The following CADPS2 variants were observed in gnomAD, a reference collection of about 807,000 sequenced individuals.
CADPS2 encodes calcium-dependent secretion activator 2.
A neutral mutation model predicts 172.5 loss-of-function variants in CADPS2; 93 were observed. That is an observed-to-expected ratio of 0.54 (90% CI 0.46 to 0.64). CADPS2 has a LOEUF of 0.64. Among genes scored for constraint, CADPS2 ranks in the 30% least tolerant of loss-of-function variants. The pLI, the probability that CADPS2 is intolerant of heterozygous loss-of-function variation, is 0.00. For synonymous variants in CADPS2, 546 were observed against 555.2 expected, an observed-to-expected ratio of 0.98 and a Z score of 0.23; for missense variants, 1,420 against 1,565.9, an observed-to-expected ratio of 0.91 and a Z score of 1.57.
At chr7:122,596,242 C>A (rs932230761) in intron 6 of CADPS2, among the ~76,000 whole-genome samples, 1 of 152,058 alleles carries the variant, frequency 6.6e-6, no homozygotes, top group African/African-American at 2.4e-5. Context: ...CATTTAAGCT[C>A]ATTTTGTTAG....
intron 1 of CADPS2, among the ~76,000 whole-genome samples, chr7:122,873,760 T>C (rs1157861071): frequency 6.6e-6 from 1 of 152,230 alleles, no homozygotes; most frequent in Non-Finnish European, 1.5e-5. Flanking sequence ...TGTTCCACAA[T>C]AGTTAAACTA....
intron 6 of CADPS2, among the ~76,000 whole-genome samples, chr7:122,613,940 T>C (rs1378815272): frequency 1.3e-5 from 2 of 151,752 alleles, no homozygotes; most frequent in African/African-American, 4.8e-5. Context: ...AGTCCCAAAA[T>C]TAAAAAGTGG....
chr7:122,494,258 GCTGA>G (rs1245231020), intron 9 of CADPS2, among the ~76,000 whole-genome samples: 2 of 152,142 alleles, frequency 1.3e-5, no homozygotes, highest in African/African-American at 4.8e-5. Context: ...GTAGCAAAAG[GCTGA>G]CTATTTTTTA....
intron 3 of CADPS2, among the ~76,000 whole-genome samples, chr7:122,643,206 G>T (rs938970765): frequency 6.6e-6 from 1 of 152,128 alleles, no homozygotes; most frequent in African/African-American, 2.4e-5. Flanking sequence ...AATATGCATA[G>T]ATTTTGCAAC....
chr7:122,455,592 T>C (rs1379085092), intron 14 of CADPS2, among the ~76,000 whole-genome samples: 1 of 152,124 alleles, frequency 6.6e-6, no homozygotes, highest in Admixed American at 6.5e-5. Flanking sequence ...GAATGAGTAA[T>C]ATATGCAATA....
intron 17 of CADPS2, among the ~76,000 whole-genome samples, chr7:122,434,371 TAGA>T (rs1331738423): frequency 1.3e-5 from 2 of 152,064 alleles, no homozygotes; most frequent in African/African-American, 4.8e-5. Flanking sequence ...GAGCCCTTAA[TAGA>T]AGACTTCAGT....
rs182686946 is a variant in CADPS2 at position 122,680,079 on chromosome 7, A to G, written c.454-16510T>C. ...CAGCTATGTTAGATTTCTCTGTCAT[A>G]ATCTTTGCAAAGGCAGTTTTATTGT... On this transcript the variant is annotated intron_variant, in intron 2 of 29. Transcript: ENST00000449022. Among the ~76,000 whole-genome samples, 158 of 152,350 alleles carry G rather than the reference A, an allele frequency of 1.0e-3. 1 individual carries two copies. Among genetic ancestry groups the G allele is most frequent in the Non-Finnish European group, 1.8e-3 (122 of 68,024 alleles).
rs1159112244 is a variant in CADPS2 at position 122,447,543 on chromosome 7, A to ATTTTTTTTTTTTTTTTTTT, written c.2288+3812_2288+3830dup. 1.8e-3 allele frequency among the ~76,000 whole-genome samples: 158 copies of ATTTTTTTTTTTTTTTTTTT among 89,794 alleles called. 33 individuals carry two copies. Among genetic ancestry groups the ATTTTTTTTTTTTTTTTTTT allele is most frequent in the Middle Eastern group, 9.6e-3 (1 of 104 alleles). The allele number at this position is 89,794 out of a possible 152,430, so 58.9% of individuals were successfully genotyped here. A position where few individuals can be genotyped will look rare whatever the true frequency, so the allele number is the denominator to read the frequency against. On this transcript the variant is annotated intron_variant, in intron 15 of 29. Coordinates refer to ENST00000449022, the MANE Select transcript of CADPS2 (RefSeq NM_017954.11). Reference sequence around the variant, plus strand: ...CCATGTTGATTTCTTGTTTCGGGGAATTTTTTTTTTTTTTTTTTTTTTTTT... The same window carrying ATTTTTTTTTTTTTTTTTTT: ...CCATGTTGATTTCTTGTTTCGGGGAATTTTTTTTTTTTTTTTTTTTTTTTTTTTTTTTTTTTTTTTTTTT...
At chr7:122,786,941 T>C (rs1794186694) in intron 1 of CADPS2, among the ~76,000 whole-genome samples, 1 of 152,200 alleles carries the variant, frequency 6.6e-6, no homozygotes, top group Non-Finnish European at 1.5e-5. Context: ...GTCATGGATG[T>C]AGCATTTCTC....
chr7:122,519,815 GA>G (rs571760660), intron 8 of CADPS2, among the ~76,000 whole-genome samples: 1 of 151,572 alleles, frequency 6.6e-6, no homozygotes, highest in East Asian at 1.9e-4. Flanking sequence ...TGCTGTTTGG[GA>G]AAAAAGTTAA....
chr7:122,596,017 A>G (rs2133340668), intron 6 of CADPS2, among the ~76,000 whole-genome samples: 1 of 152,210 alleles, frequency 6.6e-6, no homozygotes, highest in East Asian at 1.9e-4. Context: ...AAGCAGCCTC[A>G]GGAGTCTGGT....
chr7:122,400,046 C>G (rs114861359), intron 20 of CADPS2, among the ~76,000 whole-genome samples: 5,695 of 151,950 alleles, frequency 0.037, 369 homozygotes, highest in African/African-American at 0.13. Flanking sequence ...AAGAAACACA[C>G]TGGCATTTTA....
At chr7:122,821,845 C>G (rs962629828) in intron 1 of CADPS2, among the ~76,000 whole-genome samples, 5 of 152,120 alleles carry the variant, frequency 3.3e-5, no homozygotes, top group African/African-American at 1.2e-4. Flanking sequence ...TACCACTTTC[C>G]CTTCTCAGAA....
chr7:122,658,120 C>T (rs2080041810), intron 3 of CADPS2, among the ~76,000 whole-genome samples: 1 of 152,080 alleles, frequency 6.6e-6, no homozygotes, highest in African/African-American at 2.4e-5. Context: ...ATTTATGCAG[C>T]CAACAGACAT....
intron 2 of CADPS2, among the ~76,000 whole-genome samples, chr7:122,695,256 A>G (rs1317521929): frequency 1.3e-4 from 20 of 152,218 alleles, no homozygotes; most frequent in Admixed American, 1.3e-3. Flanking sequence ...TATTAAACCT[A>G]ATTTATCTGA....
intron 2 of CADPS2, among the ~76,000 whole-genome samples, chr7:122,692,231 G>A (rs568986286): frequency 4.3e-4 from 65 of 152,206 alleles, no homozygotes; most frequent in Non-Finnish European, 7.9e-4. Context: ...GCAACATAGC[G>A]GGGGTGCAGG....
chr7:122,384,302 G>C (rs1401863997), intron 24 of CADPS2, among the ~76,000 whole-genome samples: 1 of 152,090 alleles, frequency 6.6e-6, no homozygotes, highest in Non-Finnish European at 1.5e-5. Context: ...TCCCAGCGAT[G>C]ACAATATAAC....
intron 1 of CADPS2, among the ~76,000 whole-genome samples, chr7:122,745,380 G>A (rs1003248923): frequency 1.4e-4 from 21 of 151,746 alleles, no homozygotes; most frequent in Non-Finnish European, 2.6e-4. Context: ...CTCGCATCTA[G>A]TAAGAGACAG....
Position 122,351,977 on chromosome 7 carries a change from T to C in CADPS2, c.3505-6296A>G, listed in dbSNP as rs17462571. 6.2e-3 allele frequency among the ~76,000 whole-genome samples: 950 copies of C among 152,312 alleles called. 6 individuals carry two copies. The highest frequency in any genetic ancestry group is 0.011 in the Non-Finnish European group (758 of 68,016). On this transcript the variant is annotated intron_variant, in intron 27 of 29. Coordinates refer to ENST00000449022, the MANE Select transcript of CADPS2 (RefSeq NM_017954.11). ...TTCTTTTAAATATTAAAATAAATAC[T>C]GAATGATAGTTTAAGATATTAGCCT...
Sources: allele counts gnomAD v4.1 joint callset (sites outside exome capture counted in the v4.1 genomes callset), GRCh38; gene constraint gnomAD v4.1.1; transcripts MANE v1.5; gene names NCBI Gene and HGNC (gene_info 2026-07-23, HGNC 2026-07-21).